Variants in KDM4C observed in about 807,000 individuals in gnomAD.
KDM4C encodes the protein lysine demethylase 4C, also known as lysine-specific demethylase 4C.
In KDM4C, 81 loss-of-function variants were observed where a neutral mutation model predicts 129.3. The ratio of observed to expected loss-of-function variants is 0.63; its 90% confidence interval spans 0.52 to 0.75. The LOEUF (loss-of-function observed/expected upper bound fraction) is 0.75, where lower values mean the gene tolerates loss of function less well. Among genes scored for constraint, KDM4C ranks in the 30% least tolerant of loss-of-function variants. The pLI, the probability that KDM4C is intolerant of heterozygous loss-of-function variation, is 0.00. For synonymous variants in KDM4C, 573 were observed against 456.1 expected (o/e 1.26, Z -3.26); for missense variants, 1,457 against 1,304.0 (o/e 1.12, Z -1.81).
chr9:7,159,934 T>A (rs1052593851), intron 19 of KDM4C, among the ~76,000 whole-genome samples: 1 of 152,226 alleles, frequency 6.6e-6, no homozygotes, highest in Non-Finnish European at 1.5e-5. Flanking sequence ...GTTTTCCAAC[T>A]TGGTTCTATT....
At chr9:6,965,485 G>A (rs1383097519) in intron 8 of KDM4C, among the ~76,000 whole-genome samples, 1 of 152,160 alleles carries the variant, frequency 6.6e-6, no homozygotes, top group Non-Finnish European at 1.5e-5. Context: ...ATGTGTGTGT[G>A]TATATATGTG....
chr9:6,812,283 T>C (rs1469631438), intron 3 of KDM4C, among the ~76,000 whole-genome samples: 1 of 151,420 alleles, frequency 6.6e-6, no homozygotes, highest in Non-Finnish European at 1.5e-5. Flanking sequence ...GATAGATTGG[T>C]CTTGGTATAG....
intron 1 of KDM4C, among the ~76,000 whole-genome samples, chr9:6,787,034 A>G (rs1825636410): frequency 6.6e-6 from 1 of 152,234 alleles, no homozygotes; most frequent in Non-Finnish European, 1.5e-5. Context: ...TAAGCTATCT[A>G]GGTCTTTAAT....
chr9:7,159,641 G>C (rs867609965), intron 19 of KDM4C, among the ~76,000 whole-genome samples: 4 of 152,120 alleles, frequency 2.6e-5, no homozygotes, highest in African/African-American at 9.7e-5. Context: ...CTTTTCTTTA[G>C]GAATGTTGAA....
chr9:6,811,716 A>G (rs915731075), intron 3 of KDM4C, among the ~76,000 whole-genome samples: 1 of 152,150 alleles, frequency 6.6e-6, no homozygotes, highest in Non-Finnish European at 1.5e-5. Context: ...CCTATTTTTT[A>G]GAAGAATAAC....
chr9:7,109,373 G>A (rs1451680476), intron 18 of KDM4C, among the ~76,000 whole-genome samples: 3 of 149,116 alleles, frequency 2.0e-5, no homozygotes, highest in Non-Finnish European at 4.4e-5. Context: ...GTTCCCAGAT[G>A]GGGACCTGAA....
chr9:7,007,071 C>A (rs17180316), intron 12 of KDM4C, among the ~76,000 whole-genome samples: 18 of 152,076 alleles, frequency 1.2e-4, no homozygotes, highest in Admixed American at 1.2e-3. Flanking sequence ...CTGGTTTCCC[C>A]ATTTCCACCT....
At chr9:7,080,683 A>G (rs7858761) in intron 17 of KDM4C, among the ~76,000 whole-genome samples, 119,668 of 152,218 alleles carry the variant, frequency 0.79, 47,459 homozygotes, top group African/African-American at 0.88. Flanking sequence ...CTGTCTCAAA[A>G]TTTGACAAAA....
intron 19 of KDM4C, among the ~76,000 whole-genome samples, chr9:7,138,536 C>G (rs1362378566): frequency 6.6e-6 from 1 of 152,098 alleles, no homozygotes. Flanking sequence ...TCTTTTGGGC[C>G]AGGCACGGTG....
At chr9:6,889,212 TG>T (rs1360311608) in intron 7 of KDM4C, among the ~76,000 whole-genome samples, 8 of 5,524 alleles carry the variant, frequency 1.4e-3, no homozygotes, top group Non-Finnish European at 4.4e-3. Context: ...GCCTTCTTTT[TG>T]TGTGTGTGTG....
chr9:6,994,343 G>A (rs1819301986), intron 12 of KDM4C, among the ~76,000 whole-genome samples: 1 of 151,762 alleles, frequency 6.6e-6, no homozygotes, highest in African/African-American at 2.4e-5. Context: ...CCATGTATTT[G>A]CCCAGGCTGT....
rs1839804667 is a variant in KDM4C at position 7,124,265 on chromosome 9, T to C, written c.2611-3801T>C. 5.9e-5 allele frequency among the ~76,000 whole-genome samples: 9 copies of C among 152,204 alleles called. No individual in the cohort carries two copies. The South Asian group carries it at 1.9e-3, about 32-fold the overall frequency. On this transcript the variant is annotated intron_variant, in intron 18 of 21. Coordinates refer to ENST00000381309, the MANE Select transcript of KDM4C (RefSeq NM_015061.6). ...CTTCCAATTTTAACAAAATATACACTAAATAACTAATATCATAATAAAATA... is the reference window on the plus strand; with the variant it reads ...CTTCCAATTTTAACAAAATATACACCAAATAACTAATATCATAATAAAATA...
chr9:7,124,023 C>T (rs149722961), intron 18 of KDM4C, among the ~76,000 whole-genome samples: 57 of 152,258 alleles, frequency 3.7e-4, no homozygotes, highest in Non-Finnish European at 7.1e-4. Context: ...TTAGGATTTG[C>T]TGAGAGTCTG....
intron 18 of KDM4C, among the ~76,000 whole-genome samples, chr9:7,108,529 G>A (rs1041789123): frequency 1.8e-4 from 28 of 152,286 alleles, no homozygotes; most frequent in African/African-American, 6.7e-4. Flanking sequence ...GAGCCACTGC[G>A]CCCAGCCTGA....
intron 19 of KDM4C, among the ~76,000 whole-genome samples, chr9:7,145,996 G>A (rs1476536668): frequency 1.3e-5 from 2 of 152,234 alleles, no homozygotes; most frequent in Admixed American, 6.5e-5. Flanking sequence ...GCTAGTGCAA[G>A]CATGACGGCT....
chr9:7,024,507 T>C (rs1328032863), intron 15 of KDM4C, among the ~76,000 whole-genome samples: 3 of 140,512 alleles, frequency 2.1e-5, no homozygotes, highest in Non-Finnish European at 4.6e-5. Context: ...CAACAGTCCC[T>C]GGAGTGTGAT....
At chr9:6,982,000 T>C (rs1816844055) in intron 9 of KDM4C, 1 of 154,966 alleles carries the variant, frequency 6.5e-6, no homozygotes, top group Non-Finnish European at 1.5e-5. Context: ...TATTTTATAA[T>C]ATTATATATC....
At chr9:6,881,766 T>C (rs772080883) in intron 6 of KDM4C, among the ~76,000 whole-genome samples, 4 of 152,146 alleles carry the variant, frequency 2.6e-5, no homozygotes, top group Non-Finnish European at 4.4e-5. Context: ...CAGCAATATT[T>C]TGAGGAATAA....
intron 5 of KDM4C, among the ~76,000 whole-genome samples, chr9:6,879,777 G>A (rs909497616): frequency 6.6e-6 from 1 of 152,138 alleles, no homozygotes; most frequent in East Asian, 1.9e-4. Flanking sequence ...TTTGTAAAAT[G>A]TGGTTGGCAT....
Sources: allele counts gnomAD v4.1 joint callset (sites outside exome capture counted in the v4.1 genomes callset), GRCh38; gene constraint gnomAD v4.1.1; transcripts MANE v1.5; gene names NCBI Gene and HGNC (gene_info 2026-07-23, HGNC 2026-07-21).